DLG2: variants seen among roughly 807,000 people sequenced by gnomAD.
DLG2 encodes the protein disks large homolog 2.
In DLG2, 45 loss-of-function variants were observed where a neutral mutation model predicts 132.5. The ratio of observed to expected loss-of-function variants is 0.34; its 90% CI spans 0.27 to 0.44. The LOEUF (loss-of-function observed/expected upper bound fraction) is 0.44, where lower values mean the gene tolerates loss of function less well. Among genes scored for constraint, DLG2 ranks in the 20% least tolerant of loss-of-function variants. The pLI is 1.00. For missense variants in DLG2, 1,045 were observed against 1,196.9 expected (o/e 0.87, Z 1.87); for synonymous variants, 424 against 419.6 (o/e 1.01, Z -0.13).
intron 16 of DLG2, among the ~76,000 whole-genome samples, chr11:83,847,090 G>A (rs2058777254): frequency 6.6e-6 from 1 of 151,478 alleles, no homozygotes; most frequent in Non-Finnish European, 1.5e-5. Context: ...TTAAAGATAA[G>A]TTAATTATAA....
chr11:83,667,341 C>T (rs1165918789), intron 18 of DLG2, among the ~76,000 whole-genome samples: 1 of 152,172 alleles, frequency 6.6e-6, no homozygotes, highest in Non-Finnish European at 1.5e-5. Flanking sequence ...ATATGACATT[C>T]AGATTGACAT....
intron 7 of DLG2, among the ~76,000 whole-genome samples, chr11:84,527,410 G>T (rs1321852318): frequency 6.6e-6 from 1 of 152,034 alleles, no homozygotes; most frequent in Non-Finnish European, 1.5e-5. Flanking sequence ...TCATGCTTCA[G>T]CTCTCCTCCT....
chr11:85,230,205 G>GT (rs1272923953), intron 4 of DLG2, among the ~76,000 whole-genome samples: 1 of 151,842 alleles, frequency 6.6e-6, no homozygotes. Flanking sequence ...TACAAGTGAT[G>GT]TTTTTTTCTT....
intron 4 of DLG2, among the ~76,000 whole-genome samples, chr11:85,240,673 C>T (rs1378927064): frequency 1.3e-5 from 2 of 151,718 alleles, no homozygotes; most frequent in African/African-American, 2.4e-5. Context: ...CTTCTCCATT[C>T]GTCTGTCATA....
chr11:84,798,041 C>T (rs1159017408), intron 6 of DLG2, among the ~76,000 whole-genome samples: 5 of 152,152 alleles, frequency 3.3e-5, no homozygotes, highest in African/African-American at 9.7e-5. Context: ...TCTCTCTTTG[C>T]GCTGAGCCAC....
intron 6 of DLG2, among the ~76,000 whole-genome samples, chr11:84,944,605 A>AT (rs60502429): frequency 0.096 from 12,891 of 133,834 alleles, 966 homozygotes; most frequent in South Asian, 0.19. Flanking sequence ...GTCTCTGTTA[A>AT]TTTTTTTTTT....
At chr11:84,763,320 C>G (rs1043884049) in intron 6 of DLG2, 2 of 152,212 alleles carry the variant, frequency 1.3e-5, no homozygotes, top group Non-Finnish European at 2.9e-5. Context: ...TTGACATAAA[C>G]CGGACTCTTC....
chr11:83,503,568 C>G (rs2094557481), intron 21 of DLG2, among the ~76,000 whole-genome samples: 1 of 151,532 alleles, frequency 6.6e-6, no homozygotes. Flanking sequence ...ACTGAAGAAC[C>G]TGGAGTCCGA....
chr11:85,238,467 CT>C (rs1463518394), intron 4 of DLG2, among the ~76,000 whole-genome samples: 3 of 151,952 alleles, frequency 2.0e-5, no homozygotes, highest in Non-Finnish European at 4.4e-5. Context: ...TGTTCTCAAA[CT>C]CCTGACCTCA....
intron 14 of DLG2, among the ~76,000 whole-genome samples, chr11:83,950,671 G>C (rs1362799598): frequency 6.6e-6 from 1 of 152,148 alleles, no homozygotes; most frequent in Admixed American, 6.5e-5. Context: ...AAGTATCCTT[G>C]CATGTAACTT....
intron 8 of DLG2, among the ~76,000 whole-genome samples, chr11:84,244,387 T>C (rs1459730774): frequency 6.6e-6 from 1 of 152,268 alleles, no homozygotes; most frequent in East Asian, 1.9e-4. Flanking sequence ...GGTTTCAGCA[T>C]GTCGGCCAGG....
At chr11:84,013,518 A>C (rs1243782113) in intron 11 of DLG2, among the ~76,000 whole-genome samples, 2 of 151,744 alleles carry the variant, frequency 1.3e-5, no homozygotes, top group Non-Finnish European at 2.9e-5. Context: ...GTGATATTTC[A>C]GTTAATAGAA....
At chr11:85,565,062 T>C (rs1488359188) in intron 3 of DLG2, among the ~76,000 whole-genome samples, 1 of 152,098 alleles carries the variant, frequency 6.6e-6, no homozygotes, top group Non-Finnish European at 1.5e-5. Flanking sequence ...GATTTCTGTA[T>C]ATTGATCTTG....
At chr11:84,183,614 T>G (rs1241954196) in intron 8 of DLG2, among the ~76,000 whole-genome samples, 1 of 152,204 alleles carries the variant, frequency 6.6e-6, no homozygotes, top group Non-Finnish European at 1.5e-5. Flanking sequence ...TTAGGGTACA[T>G]GTGCACAATG....
chr11:84,045,542 A>G (rs1173050399), intron 11 of DLG2, among the ~76,000 whole-genome samples: 2 of 151,770 alleles, frequency 1.3e-5, no homozygotes, highest in African/African-American at 4.8e-5. Flanking sequence ...ACCAACAAAA[A>G]GATTCTTAAA....
intron 8 of DLG2, 76 bp from the exon 9 acceptor site, chr11:84,163,587 C>T (rs2095596376): frequency 8.1e-7 from 1 of 1,228,766 alleles, no homozygotes; most frequent in Non-Finnish European, 1.1e-6. Flanking sequence ...TTAAATAATG[C>T]TTGGGGGTGA....
intron 3 of DLG2, among the ~76,000 whole-genome samples, chr11:85,330,855 A>T (rs1305295648): frequency 6.6e-6 from 1 of 150,938 alleles, no homozygotes; most frequent in Non-Finnish European, 1.5e-5. Context: ...TCTTTTCCAG[A>T]GTCTGCTCAA....
chr11:85,495,882 A>T (rs761528660), intron 3 of DLG2, among the ~76,000 whole-genome samples: 9 of 152,200 alleles, frequency 5.9e-5, no homozygotes, highest in Non-Finnish European at 1.2e-4. Flanking sequence ...ACGAACCCAA[A>T]TGCCCATCAG....
intron 6 of DLG2, among the ~76,000 whole-genome samples, chr11:84,591,223 C>CTGTG (rs781411791): frequency 0.017 from 2,301 of 139,260 alleles, 61 homozygotes; most frequent in African/African-American, 0.053. Context: ...ATGTGTCTCT[C>CTGTG]TGTGTGTGTG....
Sources: allele counts gnomAD v4.1 joint callset (sites outside exome capture counted in the v4.1 genomes callset), GRCh38; gene constraint gnomAD v4.1.1; transcripts MANE v1.5; gene names NCBI Gene and HGNC (gene_info 2026-07-23, HGNC 2026-07-21).